Variants in AOPEP observed in about 807,000 individuals in gnomAD.
The protein encoded by AOPEP is aminopeptidase O (putative).
Under a neutral mutation model 98.1 loss-of-function variants are expected in AOPEP, and 77 were observed. That is an observed-to-expected ratio of 0.78 (90% CI 0.65 to 0.95). The LOEUF (loss-of-function observed/expected upper bound fraction) is 0.95. Ranked by LOEUF, AOPEP falls within the 40% of genes least tolerant of loss-of-function variation. The probability of loss-of-function intolerance (pLI) is 0.00; values close to 1 mark genes in which losing one functional copy is unlikely to be tolerated. For missense variants in AOPEP, 1,024 were observed against 1,024.7 expected (o/e 1.00, Z 0.01); for synonymous variants, 346 against 365.3 (o/e 0.95, Z 0.60).
At chr9:94,893,351 C>A (rs1221690454) in intron 5 of AOPEP, among the ~76,000 whole-genome samples, 4 of 151,946 alleles carry the variant, frequency 2.6e-5, no homozygotes, top group Non-Finnish European at 5.9e-5. Flanking sequence ...GGATGGCATG[C>A]AGAATGAGTC....
the AOPEP span, chr9:95,106,920 C>T: frequency 3.8e-6 from 3 of 790,436 alleles, no homozygotes; most frequent in Non-Finnish European, 4.3e-6. Context: ...GGGTCCATCC[C>T]AGCTGTCAAC....
intron 13 of AOPEP, among the ~76,000 whole-genome samples, chr9:95,038,643 C>G (rs1028452417): frequency 1.3e-5 from 2 of 152,232 alleles, no homozygotes; most frequent in Non-Finnish European, 1.5e-5. Flanking sequence ...CCAAGGTGCC[C>G]TGCAAGAGAA....
chr9:94,848,696 G>A (rs955793758), intron 5 of AOPEP, among the ~76,000 whole-genome samples: 1 of 152,082 alleles, frequency 6.6e-6, no homozygotes, highest in Non-Finnish European at 1.5e-5. Flanking sequence ...GGAGATGGTT[G>A]TAACTGCTGC....
At chr9:94,828,250 C>T (rs1452822052) in intron 5 of AOPEP, among the ~76,000 whole-genome samples, 1 of 152,154 alleles carries the variant, frequency 6.6e-6, no homozygotes, top group Non-Finnish European at 1.5e-5. Flanking sequence ...TCTTTAGTTT[C>T]TTGTGCTTTT....
intron 15 of AOPEP, 56 bp from the exon 16 acceptor site, chr9:95,082,519 G>A (rs986712445): frequency 1.8e-5 from 29 of 1,587,276 alleles, no homozygotes; most frequent in Admixed American, 6.8e-5. Flanking sequence ...TCATGTGTGC[G>A]TGTGTGTGGG....
At chr9:94,768,558 G>A (rs533916305) in intron 2 of AOPEP, among the ~76,000 whole-genome samples, 1 of 152,340 alleles carries the variant, frequency 6.6e-6, no homozygotes, top group Non-Finnish European at 1.5e-5. Context: ...TGACCACTCT[G>A]CAAATGCACA....
intron 5 of AOPEP, among the ~76,000 whole-genome samples, chr9:94,911,563 G>T (rs1201368835): frequency 1.3e-5 from 2 of 152,154 alleles, no homozygotes; most frequent in Admixed American, 1.3e-4. Flanking sequence ...GACAGGATTG[G>T]TTCTGTTTTT....
At chr9:94,890,917 C>G (rs2136051053) in intron 5 of AOPEP, among the ~76,000 whole-genome samples, 1 of 152,252 alleles carries the variant, frequency 6.6e-6, no homozygotes, top group Middle Eastern at 3.4e-3. Flanking sequence ...AATATGTATT[C>G]TACTGTTGTT....
chr9:95,149,293 C>A, the AOPEP span, among the ~76,000 whole-genome samples: 1 of 151,958 alleles, frequency 6.6e-6, no homozygotes, highest in Admixed American at 6.6e-5. Context: ...CCTACCTGAG[C>A]AACGGTAGGA....
At chr9:94,866,099 G>T (rs1215733037) in intron 5 of AOPEP, among the ~76,000 whole-genome samples, 1 of 152,208 alleles carries the variant, frequency 6.6e-6, no homozygotes, top group Non-Finnish European at 1.5e-5. Flanking sequence ...TAACCAGACC[G>T]TAGCAAGGAG....
intron 5 of AOPEP, among the ~76,000 whole-genome samples, chr9:94,816,599 A>G (rs1851749998): frequency 6.6e-6 from 1 of 152,140 alleles, no homozygotes; most frequent in Non-Finnish European, 1.5e-5. Flanking sequence ...CTGTTCCTTC[A>G]GTAGGGAGGG....
intron 13 of AOPEP, among the ~76,000 whole-genome samples, chr9:95,041,871 C>T (rs904340032): frequency 6.6e-6 from 1 of 152,098 alleles, no homozygotes; most frequent in Admixed American, 6.5e-5. Context: ...TTCTCCCCTC[C>T]CCCCAAACCC....
chr9:95,003,522 C>T (rs1219615716), intron 11 of AOPEP, among the ~76,000 whole-genome samples: 1 of 152,186 alleles, frequency 6.6e-6, no homozygotes, highest in African/African-American at 2.4e-5. Flanking sequence ...CTCTTATTAG[C>T]AGCATAAAAG....
intron 5 of AOPEP, among the ~76,000 whole-genome samples, chr9:94,884,799 CAGG>C (rs1162838137): frequency 6.6e-6 from 1 of 151,156 alleles, no homozygotes; most frequent in Non-Finnish European, 1.5e-5. Context: ...ATCACGAGGT[CAGG>C]AGATCGAGAC....
At chr9:94,817,649 G>A (rs992556379) in intron 5 of AOPEP, among the ~76,000 whole-genome samples, 1 of 152,144 alleles carries the variant, frequency 6.6e-6, no homozygotes, top group African/African-American at 2.4e-5. Flanking sequence ...ATATCCATCC[G>A]AATATTTATC....
At chr9:94,845,352 GGAAGTAAAACTGGA>G (rs1455577685) in intron 5 of AOPEP, among the ~76,000 whole-genome samples, 1 of 152,198 alleles carries the variant, frequency 6.6e-6, no homozygotes, top group African/African-American at 2.4e-5. Flanking sequence ...AAAAATGGTA[GGAAGTAAAACTGGA>G]GAAGTTGCTG....
chr9:94,744,964 G>T (rs1216546410), intron 1 of AOPEP, among the ~76,000 whole-genome samples: 1 of 151,776 alleles, frequency 6.6e-6, no homozygotes, highest in African/African-American at 2.4e-5. Context: ...AGGTATATAT[G>T]TACCTATAAG....
chr9:95,094,801 G>C, the AOPEP span, among the ~76,000 whole-genome samples: 1 of 152,218 alleles, frequency 6.6e-6, no homozygotes, highest in African/African-American at 2.4e-5. Flanking sequence ...GAGTAGCTGG[G>C]ATTACAGGTG....
chr9:94,863,783 G>A (rs967797165), intron 5 of AOPEP, among the ~76,000 whole-genome samples: 2 of 152,220 alleles, frequency 1.3e-5, no homozygotes, highest in Non-Finnish European at 2.9e-5. Context: ...TGCAGCAAGT[G>A]TATGTGTATG....
Sources: gnomAD v4.1 joint callset for allele counts (sites outside exome capture counted in the v4.1 genomes callset) on GRCh38, gnomAD v4.1.1 for gene constraint, MANE v1.5 for transcripts, NCBI Gene and HGNC (gene_info 2026-07-23, HGNC 2026-07-21) for gene names.